CSMD2: variants seen among roughly 807,000 people sequenced by gnomAD.
The protein encoded by CSMD2 is CUB and Sushi multiple domains 2.
A neutral mutation model predicts 398.5 loss-of-function variants in CSMD2; 130 were observed. The observed-to-expected ratio is 0.33, with a 90% CI of 0.28 to 0.38. The LOEUF (loss-of-function observed/expected upper bound fraction) is 0.38, where lower values mean the gene tolerates loss of function less well. Ranked by LOEUF, CSMD2 falls within the 10% of genes least tolerant of loss-of-function variation. CSMD2 has a pLI of 1.00. For missense variants in CSMD2, 3,829 were observed against 4,764.9 expected, an observed-to-expected ratio of 0.80 and a Z score of 5.78; for synonymous variants, 1,828 against 1,908.5, an observed-to-expected ratio of 0.96 and a Z score of 1.10.
chr1:33,756,588 G>C (rs1649056615), intron 13 of CSMD2, among the ~76,000 whole-genome samples: 1 of 152,214 alleles, frequency 6.6e-6, no homozygotes, highest in Non-Finnish European at 1.5e-5. Context: ...AAAGGCCCTG[G>C]GGTGGGAATG....
At chr1:33,649,668 T>C (rs590210) in intron 28 of CSMD2, among the ~76,000 whole-genome samples, 9,555 of 152,080 alleles carry the variant, frequency 0.063, 412 homozygotes, top group East Asian at 0.14. Flanking sequence ...ACAAAAACAA[T>C]ATAATGAAAT....
intron 41 of CSMD2, among the ~76,000 whole-genome samples, chr1:33,606,172 T>C (rs1640594576): frequency 6.6e-6 from 1 of 152,116 alleles, no homozygotes. Flanking sequence ...TGCTGAGGGA[T>C]TCCTGAGCAA....
At chr1:33,553,074 T>A (rs1262718516) in intron 55 of CSMD2, among the ~76,000 whole-genome samples, 1 of 152,114 alleles carries the variant, frequency 6.6e-6, no homozygotes, top group African/African-American at 2.4e-5. Flanking sequence ...GATAAAAAAA[T>A]CATGCCAATA....
intron 12 of CSMD2, among the ~76,000 whole-genome samples, chr1:33,782,005 G>T (rs1356612822): frequency 6.6e-6 from 1 of 152,006 alleles, no homozygotes; most frequent in Non-Finnish European, 1.5e-5. Context: ...GGATGATACT[G>T]GAGTGCCACC....
intron 58 of CSMD2, among the ~76,000 whole-genome samples, chr1:33,542,457 C>T (rs1351793659): frequency 6.6e-6 from 1 of 152,238 alleles, no homozygotes; most frequent in Non-Finnish European, 1.5e-5. Context: ...ATCTCATATA[C>T]AAAATGGGGA....
intron 5 of CSMD2, among the ~76,000 whole-genome samples, chr1:33,865,699 G>A (rs555366391): frequency 1.8e-4 from 28 of 152,292 alleles, no homozygotes; most frequent in Non-Finnish European, 3.1e-4. Flanking sequence ...GGCCCAAGAA[G>A]GAGGCCGAGA....
At chr1:34,091,636 A>G (rs1424814465) in intron 1 of CSMD2, among the ~76,000 whole-genome samples, 2 of 150,188 alleles carry the variant, frequency 1.3e-5, no homozygotes, top group African/African-American at 2.4e-5. Flanking sequence ...AACACGAAGT[A>G]TCCCATTAAA....
intron 44 of CSMD2, among the ~76,000 whole-genome samples, chr1:33,595,915 G>T (rs1337788771): frequency 6.6e-6 from 1 of 152,204 alleles, no homozygotes; most frequent in Non-Finnish European, 1.5e-5. Context: ...AAAGAGCTAA[G>T]AAATGTATGT....
At chr1:34,026,286 C>G (rs1389329987) in intron 3 of CSMD2, among the ~76,000 whole-genome samples, 1 of 150,358 alleles carries the variant, frequency 6.7e-6, no homozygotes, top group African/African-American at 2.4e-5. Context: ...AATTCTTGTA[C>G]TATGCCACCT....
intron 2 of CSMD2, among the ~76,000 whole-genome samples, chr1:34,059,717 C>CAT (rs1410918529): frequency 5.2e-4 from 60 of 115,238 alleles, no homozygotes; most frequent in South Asian, 2.3e-3. Flanking sequence ...GGAATGAATA[C>CAT]GTGAATGAAT....
chr1:34,060,150 G>A (rs995431609), intron 2 of CSMD2, among the ~76,000 whole-genome samples: 1 of 152,158 alleles, frequency 6.6e-6, no homozygotes, highest in Non-Finnish European at 1.5e-5. Context: ...AGGAAAAGGA[G>A]GACCAGCCAA....
chr1:33,588,844 A>G (rs1415871561), intron 44 of CSMD2, among the ~76,000 whole-genome samples: 1 of 152,200 alleles, frequency 6.6e-6, no homozygotes, highest in Non-Finnish European at 1.5e-5. Context: ...GGTAGAGTAC[A>G]GTTTACAATG....
At chr1:33,651,926 G>T (rs79363962) in intron 28 of CSMD2, among the ~76,000 whole-genome samples, 2,503 of 151,916 alleles carry the variant, frequency 0.016, 63 homozygotes, top group African/African-American at 0.057. Flanking sequence ...AGCTAGATTG[G>T]GGGGGGTGCC....
intron 27 of CSMD2, among the ~76,000 whole-genome samples, chr1:33,654,518 T>C (rs202006217): frequency 6.6e-6 from 1 of 152,180 alleles, no homozygotes; most frequent in Non-Finnish European, 1.5e-5. Context: ...GTGCCTTAAG[T>C]TGGGTCTGCT....
chr1:34,056,416 T>A (rs1304935226), intron 2 of CSMD2, among the ~76,000 whole-genome samples: 1 of 152,112 alleles, frequency 6.6e-6, no homozygotes, highest in Non-Finnish European at 1.5e-5. Flanking sequence ...AATGAAGAGG[T>A]CTTTGGGGAA....
chr1:33,888,151 G>C (rs1641724497), intron 5 of CSMD2, among the ~76,000 whole-genome samples: 1 of 151,980 alleles, frequency 6.6e-6, no homozygotes, highest in African/African-American at 2.4e-5. Flanking sequence ...CATCGTCCAG[G>C]ATAGGAATAT....
At chr1:33,915,628 G>A (rs983941163) in intron 5 of CSMD2, among the ~76,000 whole-genome samples, 1 of 152,184 alleles carries the variant, frequency 6.6e-6, no homozygotes, top group Admixed American at 6.5e-5. Context: ...GGCAGAAGCT[G>A]TAGGAGACCA....
At chr1:33,853,861 G>A (rs1276395380) in intron 5 of CSMD2, among the ~76,000 whole-genome samples, 2 of 152,194 alleles carry the variant, frequency 1.3e-5, no homozygotes, top group Admixed American at 6.5e-5. Context: ...GTGGGATATC[G>A]AATTACATCC....
chr1:33,694,088 C>G (rs957136451), intron 24 of CSMD2, among the ~76,000 whole-genome samples: 3 of 151,938 alleles, frequency 2.0e-5, no homozygotes, highest in Admixed American at 6.6e-5. Flanking sequence ...ACAACAACAA[C>G]AAGGAATCAA....
Sources: gnomAD v4.1 joint callset for allele counts (sites outside exome capture counted in the v4.1 genomes callset) on GRCh38, gnomAD v4.1.1 for gene constraint, MANE v1.5 for transcripts, NCBI Gene and HGNC (gene_info 2026-07-23, HGNC 2026-07-21) for gene names.